Variants in CNTNAP2 observed in about 807,000 individuals in gnomAD.
The protein encoded by CNTNAP2 is contactin associated protein 2, also known as contactin-associated protein-like 2.
In CNTNAP2, 98 loss-of-function variants were observed where a neutral mutation model predicts 155.2. That is an observed-to-expected ratio of 0.63 (90% CI 0.54 to 0.75). The LOEUF (loss-of-function observed/expected upper bound fraction) is 0.75, where lower values mean the gene tolerates loss of function less well. Among genes scored for constraint, CNTNAP2 ranks in the 30% least tolerant of loss-of-function variants. The probability of loss-of-function intolerance (pLI) is 0.00; values close to 1 mark genes in which losing one functional copy is unlikely to be tolerated. For missense variants in CNTNAP2, 1,727 were observed against 1,688.1 expected (o/e 1.02, Z -0.40); for synonymous variants, 651 against 631.2 (o/e 1.03, Z -0.47).
At chr7:147,854,348 A>T (rs1472220026) in intron 13 of CNTNAP2, among the ~76,000 whole-genome samples, 1 of 152,176 alleles carries the variant, frequency 6.6e-6, no homozygotes, top group African/African-American at 2.4e-5. Context: ...GAAGTTGATC[A>T]TTCATCATCC....
chr7:148,257,319 G>C (rs995527348), intron 20 of CNTNAP2, among the ~76,000 whole-genome samples: 3 of 152,190 alleles, frequency 2.0e-5, no homozygotes, highest in Non-Finnish European at 4.4e-5. Flanking sequence ...AACACACCAG[G>C]CACCTCCAGG....
intron 22 of CNTNAP2, among the ~76,000 whole-genome samples, chr7:148,388,944 TG>T (rs916803868): frequency 1.3e-5 from 2 of 152,048 alleles, no homozygotes; most frequent in African/African-American, 2.4e-5. Context: ...CTGCCCCTAC[TG>T]GGGGGTGCCT....
chr7:146,740,736 A>G (rs529882347), intron 1 of CNTNAP2, among the ~76,000 whole-genome samples: 2 of 152,330 alleles, frequency 1.3e-5, no homozygotes, highest in African/African-American at 4.8e-5. Context: ...TGTGACTGGC[A>G]TGACACTGCC....
intron 8 of CNTNAP2, among the ~76,000 whole-genome samples, chr7:147,178,803 G>A (rs950716818): frequency 6.6e-6 from 1 of 152,070 alleles, no homozygotes; most frequent in South Asian, 2.1e-4. Flanking sequence ...GGTTATGTTC[G>A]ACCTTTAGTT....
intron 3 of CNTNAP2, among the ~76,000 whole-genome samples, chr7:146,962,686 G>A (rs1245133920): frequency 6.6e-6 from 1 of 152,114 alleles, no homozygotes; most frequent in Non-Finnish European, 1.5e-5. Context: ...GAGTAGCTGG[G>A]ATTACAGGCA....
intron 14 of CNTNAP2, among the ~76,000 whole-genome samples, chr7:147,933,226 C>A (rs1476000572): frequency 6.6e-6 from 1 of 151,814 alleles, no homozygotes; most frequent in Non-Finnish European, 1.5e-5. Flanking sequence ...AAAAATGGTG[C>A]AGCTGTGTAT....
At position 146,935,500 on chromosome 7, in the gene CNTNAP2, G is replaced by C. The variant is rs764508401; in HGVS notation, c.402+95596G>C. On this transcript the variant is annotated intron_variant, in intron 3 of 23. Coordinates refer to ENST00000361727, the MANE Select transcript of CNTNAP2 (RefSeq NM_014141.6). ...GTGTTAAAGAGAAGGTTGCCAGGAG[G>C]CCTTCACTCTTCTAGAAGGGCATCA... Among the ~76,000 whole-genome samples the C allele has an allele frequency of 2.6e-5, 4 of 152,166 alleles. 1 individual carries two copies. The highest frequency in any genetic ancestry group is 4.8e-5 in the African/African-American group (2 of 41,432).
chr7:146,408,369 C>G (rs1162805598), intron 1 of CNTNAP2, among the ~76,000 whole-genome samples: 1 of 152,104 alleles, frequency 6.6e-6, no homozygotes, highest in African/African-American at 2.4e-5. Context: ...CTTATACATT[C>G]TTTAGCACAG....
intron 15 of CNTNAP2, among the ~76,000 whole-genome samples, chr7:148,029,925 C>A (rs142805064): frequency 1.2e-4 from 18 of 152,174 alleles, no homozygotes; most frequent in Non-Finnish European, 2.5e-4. Context: ...TGGAGAAGAA[C>A]AGGGAGATGT....
chr7:146,328,614 T>C (rs1801134035), intron 1 of CNTNAP2, among the ~76,000 whole-genome samples: 1 of 152,156 alleles, frequency 6.6e-6, no homozygotes, highest in Admixed American at 6.5e-5. Context: ...AACTAGTCAC[T>C]ACATTGTATA....
intron 8 of CNTNAP2, among the ~76,000 whole-genome samples, chr7:147,199,316 C>T (rs901796449): frequency 6.6e-6 from 1 of 152,078 alleles, no homozygotes; most frequent in African/African-American, 2.4e-5. Context: ...AGGTTCTCCT[C>T]ACAGTCTAAG....
At chr7:146,804,500 T>A (rs981053081) in intron 2 of CNTNAP2, among the ~76,000 whole-genome samples, 1 of 152,168 alleles carries the variant, frequency 6.6e-6, no homozygotes, top group Non-Finnish European at 1.5e-5. Flanking sequence ...ATTTTCTTTT[T>A]GAATGGAAAA....
intron 20 of CNTNAP2, among the ~76,000 whole-genome samples, chr7:148,256,499 A>T (rs769461084): frequency 1.3e-5 from 2 of 151,808 alleles, no homozygotes; most frequent in Non-Finnish European, 2.9e-5. Context: ...CCCCCAGGCC[A>T]CCTCTCCTCT....
chr7:146,514,106 A>G (rs563860252), intron 1 of CNTNAP2, among the ~76,000 whole-genome samples: 2 of 152,042 alleles, frequency 1.3e-5, no homozygotes, highest in East Asian at 1.9e-4. Context: ...TTTCAGATTG[A>G]TCAGAGCTCC....
At chr7:148,399,583 T>C (rs1352691870) in intron 22 of CNTNAP2, among the ~76,000 whole-genome samples, 1 of 152,190 alleles carries the variant, frequency 6.6e-6, no homozygotes, top group African/African-American at 2.4e-5. Context: ...GTATCCAAGG[T>C]CATACTAAGA....
intron 1 of CNTNAP2, among the ~76,000 whole-genome samples, chr7:146,547,922 T>C (rs1159578631): frequency 6.6e-6 from 1 of 151,906 alleles, no homozygotes; most frequent in African/African-American, 2.4e-5. Context: ...ATACCATGCA[T>C]GGGCTCCATA....
rs145589211 is a variant in CNTNAP2 at position 147,902,919 on chromosome 7, T to C, written c.2099-646T>C. The stretch of plus-strand genomic sequence containing the variant: ...CTTCCACATTTTTGCAATGGTGAAT[T>C]GTGCTGCTATAAACACATGTGTGCA... On this transcript the variant is annotated intron_variant, in intron 13 of 23. Coordinates refer to ENST00000361727, the MANE Select transcript of CNTNAP2 (RefSeq NM_014141.6). 2.0e-5 allele frequency among the ~76,000 whole-genome samples: 3 copies of C among 152,074 alleles called. No homozygotes were observed. The East Asian group carries it at 5.8e-4, about 29-fold the overall frequency.
chr7:147,839,631 C>G (rs573694555), intron 13 of CNTNAP2, among the ~76,000 whole-genome samples: 1 of 152,100 alleles, frequency 6.6e-6, no homozygotes, highest in Non-Finnish European at 1.5e-5. Context: ...TAACAGCATC[C>G]CTGGCCTCTG....
chr7:148,386,389 G>A (rs745534379), intron 22 of CNTNAP2, among the ~76,000 whole-genome samples: 12 of 152,084 alleles, frequency 7.9e-5, no homozygotes, highest in Non-Finnish European at 1.3e-4. Flanking sequence ...TTAGCTGGGC[G>A]TGGTGGCGCA....
Sources: allele counts gnomAD v4.1 joint callset (sites outside exome capture counted in the v4.1 genomes callset), GRCh38; gene constraint gnomAD v4.1.1; transcripts MANE v1.5; gene names NCBI Gene and HGNC (gene_info 2026-07-23, HGNC 2026-07-21).